Variants in MRPL1 observed in about 807,000 individuals in gnomAD.
MRPL1 encodes the protein large ribosomal subunit protein uL1m.
MRPL1 carries 28 observed loss-of-function variants against 38.0 expected under a neutral mutation model. The ratio of observed to expected loss-of-function variants is 0.74; its 90% confidence interval spans 0.55 to 1.01. The LOEUF is 1.01. Ranked by LOEUF, MRPL1 falls within the 50% of genes least tolerant of loss-of-function variation. The pLI, the probability that MRPL1 is intolerant of heterozygous loss-of-function variation, is 0.00. For synonymous variants in MRPL1, 123 were observed against 126.7 expected, an observed-to-expected ratio of 0.97 and a Z score of 0.20; for missense variants, 358 against 389.8, an observed-to-expected ratio of 0.92 and a Z score of 0.69.
rs758618063 is a variant in MRPL1, at chr4:77,924,812, A to G, written c.777+15440A>G. ...AAATTAATAACCTTTTTCATCTTTC[A>G]TGGCTCATAGTCTGTTTTTTCTCTT... On this transcript the variant is annotated intron_variant, in intron 7 of 8. Coordinates refer to ENST00000315567, the MANE Select transcript of MRPL1 (RefSeq NM_020236.4). Among the ~76,000 whole-genome samples the G allele has an allele frequency of 5.3e-5, 8 of 152,274 alleles. No homozygotes were observed. The South Asian group carries it at 8.3e-4, about 16-fold the overall frequency.
At chr4:77,910,540 A>G (rs939917931) in intron 7 of MRPL1, among the ~76,000 whole-genome samples, 2 of 152,208 alleles carry the variant, frequency 1.3e-5, no homozygotes, top group African/African-American at 4.8e-5. Context: ...TGGGAGGCTG[A>G]GGCGATCCCT....
chr4:77,920,037 A>T (rs1393369322), intron 7 of MRPL1, among the ~76,000 whole-genome samples: 1 of 152,168 alleles, frequency 6.6e-6, no homozygotes, highest in Non-Finnish European at 1.5e-5. Flanking sequence ...ATAAAAACAG[A>T]TTTGCATAGG....
intron 2 of MRPL1, among the ~76,000 whole-genome samples, chr4:77,872,453 T>C (rs1735304088): frequency 6.6e-6 from 1 of 152,114 alleles, no homozygotes; most frequent in Non-Finnish European, 1.5e-5. Flanking sequence ...TTATTTTGGC[T>C]GGGTATGGTG....
At chr4:77,933,027 C>T (rs543013876) in intron 7 of MRPL1, among the ~76,000 whole-genome samples, 111 of 152,266 alleles carry the variant, frequency 7.3e-4, no homozygotes, top group African/African-American at 2.6e-3. Flanking sequence ...GCATAGCTCA[C>T]TGTAACTTCA....
chr4:77,897,598 G>A (rs148240177), intron 6 of MRPL1, among the ~76,000 whole-genome samples: 1 of 152,296 alleles, frequency 6.6e-6, no homozygotes, highest in East Asian at 1.9e-4. Flanking sequence ...TTGTCCAAAC[G>A]ATATCCCAGC....
intron 7 of MRPL1, among the ~76,000 whole-genome samples, chr4:77,912,624 A>G (rs759294872): frequency 7.2e-5 from 11 of 152,140 alleles, no homozygotes; most frequent in South Asian, 2.1e-4. Flanking sequence ...AAAAATATCA[A>G]TTTTCCCCAA....
chr4:77,906,769 A>G (rs1226079125), intron 6 of MRPL1, among the ~76,000 whole-genome samples: 1 of 152,232 alleles, frequency 6.6e-6, no homozygotes, highest in Non-Finnish European at 1.5e-5. Flanking sequence ...TTAAATAGAG[A>G]TGTAGATGGT....
At chr4:77,864,567 T>G (rs770835515) in intron 1 of MRPL1, 11 of 152,180 alleles carry the variant, frequency 7.2e-5, no homozygotes, top group Non-Finnish European at 1.5e-4. Context: ...CCAAAGAAAT[T>G]CTTTATATTG....
chr4:77,881,309 CA>C (rs1191485438), intron 2 of MRPL1, among the ~76,000 whole-genome samples: 3 of 152,136 alleles, frequency 2.0e-5, no homozygotes, highest in Non-Finnish European at 4.4e-5. Context: ...CTGCCTCCCT[CA>C]CCAGAAACCT....
chr4:77,940,240 C>T (rs1327958791), intron 7 of MRPL1, among the ~76,000 whole-genome samples: 2 of 151,956 alleles, frequency 1.3e-5, no homozygotes, highest in African/African-American at 2.4e-5. Context: ...TGTAGTTTTC[C>T]TTGTAGAGGT....
chr4:77,876,934 C>CT (rs1735408798), intron 2 of MRPL1, among the ~76,000 whole-genome samples: 2 of 151,904 alleles, frequency 1.3e-5, no homozygotes, highest in African/African-American at 4.8e-5. Flanking sequence ...GAGTTTTGCT[C>CT]TTTTTGCCCA....
chr4:77,873,643 A>G (rs996066544), intron 2 of MRPL1, among the ~76,000 whole-genome samples: 2 of 152,214 alleles, frequency 1.3e-5, no homozygotes, highest in Non-Finnish European at 2.9e-5. Flanking sequence ...TTTGTTGAGC[A>G]TCTGCTGTAG....
chr4:77,876,686 T>C (rs1014611022), intron 2 of MRPL1, among the ~76,000 whole-genome samples: 2 of 152,194 alleles, frequency 1.3e-5, no homozygotes, highest in African/African-American at 4.8e-5. Flanking sequence ...TTTTCATGGC[T>C]AGATTTTGTT....
intron 6 of MRPL1, among the ~76,000 whole-genome samples, chr4:77,896,866 A>T (rs961458873): frequency 3.3e-5 from 5 of 151,890 alleles, no homozygotes; most frequent in Non-Finnish European, 7.4e-5. Flanking sequence ...TTGTTTTATT[A>T]AAAAAAATTA....
chr4:77,910,216 A>G (rs1736254466), intron 7 of MRPL1, among the ~76,000 whole-genome samples: 1 of 152,234 alleles, frequency 6.6e-6, no homozygotes, highest in Admixed American at 6.5e-5. Context: ...CACAGCTACT[A>G]TGAGGCAGAA....
At chr4:77,902,581 G>A (rs1466856372) in intron 6 of MRPL1, among the ~76,000 whole-genome samples, 1 of 151,584 alleles carries the variant, frequency 6.6e-6, no homozygotes, top group Non-Finnish European at 1.5e-5. Context: ...AGCAAAACTG[G>A]TTCTTTAAAA....
intron 1 of MRPL1, among the ~76,000 whole-genome samples, chr4:77,869,776 A>G (rs564613122): frequency 2.0e-5 from 3 of 152,180 alleles, no homozygotes; most frequent in South Asian, 2.1e-4. Flanking sequence ...CGTTTTTAGT[A>G]GAGACAGTTT....
chr4:77,897,006 T>C (rs989803136), intron 6 of MRPL1, among the ~76,000 whole-genome samples: 2 of 152,230 alleles, frequency 1.3e-5, no homozygotes, highest in East Asian at 1.9e-4. Flanking sequence ...TAATTAAAAC[T>C]TTTTTATTTC....
At chr4:77,928,726 A>T (rs1736777271) in intron 7 of MRPL1, among the ~76,000 whole-genome samples, 1 of 152,166 alleles carries the variant, frequency 6.6e-6, no homozygotes, top group Admixed American at 6.6e-5. Flanking sequence ...AAGTATATTT[A>T]GTTGGGGTGA....
Sources: allele counts gnomAD v4.1 joint callset (sites outside exome capture counted in the v4.1 genomes callset), GRCh38; gene constraint gnomAD v4.1.1; transcripts MANE v1.5; gene names NCBI Gene and HGNC (gene_info 2026-07-23, HGNC 2026-07-21).